Variants in NINL observed in about 807,000 individuals in gnomAD.
NINL encodes ninein-like protein.
Under a neutral mutation model 160.3 loss-of-function variants are expected in NINL, and 153 were observed. The ratio of observed to expected loss-of-function variants is 0.95; its 90% CI spans 0.84 to 1.09. The LOEUF (loss-of-function observed/expected upper bound fraction) is 1.09. NINL is among the 50% of genes least tolerant of loss of function. The probability of loss-of-function intolerance (pLI) is 0.00; values close to 1 mark genes in which losing one functional copy is unlikely to be tolerated. For missense variants in NINL, 1,829 were observed against 1,764.0 expected (o/e 1.04, Z -0.66); for synonymous variants, 800 against 734.8 (o/e 1.09, Z -1.43).
At chr20:25,477,567 T>A (rs1360126293) in intron 16 of NINL, among the ~76,000 whole-genome samples, 1 of 151,512 alleles carries the variant, frequency 6.6e-6, no homozygotes, top group Non-Finnish European at 1.5e-5. Context: ...CGCAGGAGAG[T>A]CCAGTGGAAG....
At chr20:25,454,634 T>G (rs946565487) in intron 23 of NINL, among the ~76,000 whole-genome samples, 2 of 152,178 alleles carry the variant, frequency 1.3e-5, no homozygotes, top group East Asian at 3.9e-4. Flanking sequence ...CAAAAATACT[T>G]CTCCAGGTTT....
At chr20:25,557,100 C>T (rs1295434287) in intron 1 of NINL, among the ~76,000 whole-genome samples, 1 of 152,206 alleles carries the variant, frequency 6.6e-6, no homozygotes, top group African/African-American at 2.4e-5. Context: ...GAACTGCACA[C>T]TTTAAACAGG....
intron 8 of NINL, 123 bp from the exon 9 acceptor site, chr20:25,498,469 C>T (rs772374131): frequency 2.5e-4 from 326 of 1,288,374 alleles, no homozygotes; most frequent in Middle Eastern, 2.4e-3. Flanking sequence ...ACCTGCCCCT[C>T]CTGTCTGCCA....
rs756820577 is a variant in NINL, at chr20:25,500,888, C to T, written c.984G>A (p.Leu328=). The change falls in exon 8 of 24, where the codon CTG becomes CTA. Residue 328 remains leucine, a synonymous_variant. Coordinates refer to ENST00000278886, the MANE Select transcript of NINL (RefSeq NM_025176.6). ...GAATCCCCTCCTGGGTCCACATGGC[C>T]AGGACCTGATCAGGAAAAGCGAAGC... The part of the protein sequence containing the change: ...GSGFAFPDQV[L]AMWTQEGIQN... The T allele has an allele frequency of 9.3e-6, 15 of 1,614,090 alleles. No homozygotes were observed. Among genetic ancestry groups the T allele is most frequent in the Middle Eastern group, 3.3e-4 (2 of 6,084 alleles).
intron 1 of NINL, among the ~76,000 whole-genome samples, chr20:25,570,382 T>C (rs2065039961): frequency 6.6e-6 from 1 of 152,056 alleles, no homozygotes; most frequent in African/African-American, 2.4e-5. Flanking sequence ...GATAGTGAGT[T>C]CTCATGAGAT....
At chr20:25,550,433 A>G (rs2064792894) in intron 1 of NINL, among the ~76,000 whole-genome samples, 1 of 152,232 alleles carries the variant, frequency 6.6e-6, no homozygotes, top group Non-Finnish European at 1.5e-5. Context: ...GAGACAAAGT[A>G]TAGATGAGGA....
rs1456044389 is a variant in NINL at position 25,458,545 on chromosome 20, G to T, written c.3697-16C>A. 2 of 1,571,900 alleles carry T rather than the reference G, an allele frequency of 1.3e-6. No homozygotes were observed. The highest frequency in any genetic ancestry group is 2.3e-5 in the East Asian group (1 of 43,790). ...CTCCCTGCACCTGCATGGGGAAGGG[G>T]AGACAGCTCTGGTGGGGCTGCTGAG... On this transcript the variant is annotated splice_polypyrimidine_tract_variant and intron_variant, in intron 21 of 23. Coordinates refer to ENST00000278886, the MANE Select transcript of NINL (RefSeq NM_025176.6).
chr20:25,546,214 G>A (rs748866224), intron 1 of NINL, among the ~76,000 whole-genome samples: 1 of 152,158 alleles, frequency 6.6e-6, no homozygotes, highest in Admixed American at 6.5e-5. Flanking sequence ...TACAGTTTGG[G>A]TTTTCCATTA....
intron 1 of NINL, among the ~76,000 whole-genome samples, chr20:25,565,220 C>A (rs2064987192): frequency 6.6e-6 from 1 of 152,122 alleles, no homozygotes. Context: ...TTGAAAAATG[C>A]CCAGAACATT....
chr20:25,482,482 G>T (rs1031055923), intron 13 of NINL, among the ~76,000 whole-genome samples: 2 of 152,116 alleles, frequency 1.3e-5, no homozygotes, highest in African/African-American at 2.4e-5. Context: ...GGGATTACAG[G>T]TGTGCGCCAC....
chr20:25,520,784 GAT>G lies in NINL; in HGVS notation c.181-2937_181-2936del, dbSNP rs537168626. ...CAATCTAACTATGGCTCACTTTTAG[GAT>G]ATGTCTTTTCTCTAGCTTCCCTTTT... On this transcript the variant is annotated intron_variant, in intron 2 of 23. Transcript: ENST00000278886. Among the ~76,000 whole-genome samples the G allele has an allele frequency of 3.9e-5, 6 of 152,258 alleles. No homozygotes were observed. The South Asian group carries it at 1.2e-3, about 32-fold the overall frequency.
At chr20:25,564,155 CTTTTTTT>C (rs974789146) in intron 1 of NINL, among the ~76,000 whole-genome samples, 2 of 129,236 alleles carry the variant, frequency 1.5e-5, no homozygotes, top group Non-Finnish European at 3.3e-5. Context: ...TTTCTTTTTT[CTTTTTTT>C]TTTTTGAGAT....
intron 1 of NINL, among the ~76,000 whole-genome samples, chr20:25,543,040 CAAAAA>C (rs11480769): frequency 6.1e-5 from 8 of 130,690 alleles, no homozygotes; most frequent in African/African-American, 8.8e-5. Context: ...ACTCCGTCTT[CAAAAA>C]AAAAAAAAAG....
chr20:25,553,381 G>A (rs771132646), intron 1 of NINL, among the ~76,000 whole-genome samples: 13 of 152,090 alleles, frequency 8.5e-5, no homozygotes, highest in Non-Finnish European at 1.3e-4. Flanking sequence ...ACTGGTCCCC[G>A]CCAGTACTGA....
At chr20:25,492,158 A>G (rs1468479680) in intron 10 of NINL, among the ~76,000 whole-genome samples, 1 of 152,212 alleles carries the variant, frequency 6.6e-6, no homozygotes, top group East Asian at 1.9e-4. Flanking sequence ...GGTGACGCCC[A>G]TAACCAAGTC....
At chr20:25,470,920 C>A (rs552193184) in intron 17 of NINL, among the ~76,000 whole-genome samples, 1 of 152,192 alleles carries the variant, frequency 6.6e-6, no homozygotes, top group East Asian at 1.9e-4. Flanking sequence ...GTAAGGCTAA[C>A]GTGTATTCCC....
chr20:25,546,647 C>A (rs1193424569), intron 1 of NINL, among the ~76,000 whole-genome samples: 3 of 152,044 alleles, frequency 2.0e-5, no homozygotes, highest in Non-Finnish European at 2.9e-5. Context: ...AGTACTGAAA[C>A]AACCTACCCT....
chr20:25,496,803 T>A lies in NINL; in HGVS notation c.1170A>T (p.Gln390His). 6.2e-7 allele frequency: 1 copy of A among 1,613,688 alleles called. No homozygotes were observed. The highest frequency in any genetic ancestry group is 8.5e-7 in the Non-Finnish European group (1 of 1,179,872). ...CCCTTGCCAGCTGCTCCACCTGCCC[T>A]CTGCCACAGGAAGGAGACAGGGTCA... ...ACYHQELSYQ[Q>H]GQVEQLARER... The change falls in exon 10 of 24, where the codon CAA (glutamine) becomes CAT (histidine). Residue 390 changes from glutamine (Q) to histidine (H), a missense_variant and splice_region_variant. Physicochemically the swap from Gln to His is conservative, Grantham distance 24. Transcript: ENST00000278886.
chr20:25,489,173 T>A, intron 13 of NINL, 71 bp downstream of exon 13: 1 of 1,418,158 alleles, frequency 7.1e-7, no homozygotes, highest in Non-Finnish European at 1.0e-6. Context: ...CCTGCGTTAC[T>A]GTGGACCACC....
Sources: gnomAD v4.1 joint callset for allele counts (sites outside exome capture counted in the v4.1 genomes callset) on GRCh38, gnomAD v4.1.1 for gene constraint, MANE v1.5 for transcripts, NCBI Gene and HGNC (gene_info 2026-07-23, HGNC 2026-07-21) for gene names.